Variants in USO1 observed in about 807,000 individuals in gnomAD.
The protein encoded by USO1 is USO1 vesicle transport factor.
In USO1, 57 loss-of-function variants were observed where a neutral mutation model predicts 124.5. That is an observed-to-expected ratio of 0.46 (90% CI 0.37 to 0.57). The LOEUF is 0.57. Ranked by LOEUF, USO1 falls within the 20% of genes least tolerant of loss-of-function variation. USO1 has a pLI of 0.00. For missense variants in USO1, 900 were observed against 1,040.6 expected, an observed-to-expected ratio of 0.86 and a Z score of 1.86; for synonymous variants, 369 against 362.8, an observed-to-expected ratio of 1.02 and a Z score of -0.19.
At position 75,755,416 on chromosome 4, in the gene USO1, T is replaced by C. The variant is rs79028968; in HGVS notation, c.219-2081T>C. 1.9e-3 allele frequency: 992 copies of C among 518,368 alleles called. 1 individual carries two copies. Among genetic ancestry groups the C allele is most frequent in the Middle Eastern group, 3.8e-3 (12 of 3,132 alleles). 32.1% of individuals were successfully genotyped at this position (518,368 alleles called of 1,614,324 possible). On this transcript the variant is annotated intron_variant, in intron 3 of 23. Coordinates refer to ENST00000514213, the MANE Select transcript of USO1 (RefSeq NM_003715.4). Reference sequence around the variant, plus strand: ...ATCCTTCTGAAATGCGTATCTTCAGTCATTCTCTCATTTAATGCATTTCAC... The same window carrying C: ...ATCCTTCTGAAATGCGTATCTTCAGCCATTCTCTCATTTAATGCATTTCAC...
At chr4:75,801,753 G>C (rs1051539317) in intron 17 of USO1, among the ~76,000 whole-genome samples, 10 of 152,124 alleles carry the variant, frequency 6.6e-5, no homozygotes, top group Non-Finnish European at 1.3e-4. Flanking sequence ...TAAAAGCATA[G>C]ATAGAACCCT....
At position 75,770,864 on chromosome 4, in the gene USO1, A is replaced by T. The variant is rs376813627; in HGVS notation, c.439A>T (p.Thr147Ser). 5.8e-5 allele frequency: 93 copies of T among 1,613,808 alleles called. No individual in the cohort carries two copies. The highest frequency in any genetic ancestry group is 5.3e-4 in the Admixed American group (32 of 59,994). ...CCGCTGGCCTGGTGTGAAGCTTCTT[A>T]CTTCTCTTTTAAAACAACTAGGGCC... is the stretch of plus-strand genomic sequence containing the variant. ...HVRWPGVKLL[T>S]SLLKQLGPQV... The change falls in exon 6 of 24, where the codon ACT (threonine) becomes TCT (serine). Residue 147 changes from threonine (T) to serine (S), a missense_variant. Physicochemically the swap from Thr to Ser is moderately conservative, Grantham distance 58 (BLOSUM62 1). Around this residue, in one of 2 missense-constraint regions of USO1, gnomAD observed 538 missense variants for 681.6 expected, o/e 0.79. Coordinates refer to ENST00000514213, the MANE Select transcript of USO1 (RefSeq NM_003715.4).
intron 1 of USO1, among the ~76,000 whole-genome samples, chr4:75,726,442 A>T (rs1349175550): frequency 6.6e-6 from 1 of 152,096 alleles, no homozygotes; most frequent in African/African-American, 2.4e-5. Flanking sequence ...AGTATTACTA[A>T]AATTAACTGC....
At chr4:75,741,270 C>T (rs1649247212) in intron 1 of USO1, among the ~76,000 whole-genome samples, 1 of 152,048 alleles carries the variant, frequency 6.6e-6, no homozygotes, top group Non-Finnish European at 1.5e-5. Context: ...CTATATAGGT[C>T]GCTTAATCAT....
At chr4:75,728,215 CTTGT>C (rs1441727046) in intron 1 of USO1, among the ~76,000 whole-genome samples, 1 of 150,366 alleles carries the variant, frequency 6.7e-6, no homozygotes, top group Non-Finnish European at 1.5e-5. Flanking sequence ...TGACTGCTTT[CTTGT>C]TTTTTTTTTT....
rs116386875 is a variant in USO1, at chr4:75,724,651, G to C, written c.-169G>C. ...CATGCGCATCTTGGCCGCTGCTGGC[G>C]GCTGTTTCCGGGCTTAGAGGGCTGG... On this transcript the variant is annotated 5_prime_UTR_variant, in exon 1 of 24. Coordinates refer to ENST00000514213, the MANE Select transcript of USO1 (RefSeq NM_003715.4). 265 of 622,390 alleles carry C rather than the reference G, an allele frequency of 4.3e-4. 1 individual carries two copies. In the African/African-American group the frequency reaches 4.7e-3, roughly 11 times the overall value. The allele number at this position is 622,390 out of a possible 1,614,324, so 38.6% of individuals were successfully genotyped here.
At chr4:75,810,660 A>G in intron 22 of USO1, 121 bp downstream of exon 22, 1 of 1,234,294 alleles carries the variant, frequency 8.1e-7, no homozygotes. Context: ...ATTTTATCTC[A>G]CAACATTTTC....
chr4:75,729,228 G>C (rs569434658), intron 1 of USO1, among the ~76,000 whole-genome samples: 1 of 151,926 alleles, frequency 6.6e-6, no homozygotes, highest in South Asian at 2.1e-4. Context: ...TCATGCTTTT[G>C]TTTTTTAGTT....
At chr4:75,745,550 G>T (rs1291724717) in intron 1 of USO1, among the ~76,000 whole-genome samples, 1 of 152,182 alleles carries the variant, frequency 6.6e-6, no homozygotes, top group Non-Finnish European at 1.5e-5. Context: ...AACTGGTAGT[G>T]TATTTTGGGG....
intron 17 of USO1, among the ~76,000 whole-genome samples, chr4:75,803,238 G>T (rs115956985): frequency 6.6e-6 from 1 of 151,930 alleles, no homozygotes; most frequent in Non-Finnish European, 1.5e-5. Context: ...GTAGCAATAT[G>T]GGGAAATTAT....
intron 13 of USO1, among the ~76,000 whole-genome samples, chr4:75,799,120 C>A (rs1371111050): frequency 6.6e-6 from 1 of 151,608 alleles, no homozygotes; most frequent in African/African-American, 2.4e-5. Context: ...AGAATATATT[C>A]TCTCATGGAA....
In USO1 at chr4:75,805,155, A is replaced by G. The variant is rs1325305847; in HGVS notation, c.2141A>G (p.His714Arg). ...TGTCTAACAGGAAAAGACAATCAGC[A>G]TCAAGGTTCTTACAGTGAGGGGGCT... ...LKIQLGKDNQHQGSYSEGAQM... is the reference protein window; with the variant it reads ...LKIQLGKDNQRQGSYSEGAQM... The change falls in exon 19 of 24, where the codon CAT becomes CGT. Residue 714 changes from histidine to arginine, a missense_variant. Transcript: ENST00000514213. 1.3e-6 allele frequency: 2 copies of G among 1,592,282 alleles called. No homozygotes were observed. The highest frequency in any genetic ancestry group is 1.7e-6 in the Non-Finnish European group (2 of 1,172,248).
At chr4:75,770,617 C>G (rs1323686536) in intron 5 of USO1, 78 bp downstream of exon 5, 4 of 1,496,600 alleles carry the variant, frequency 2.7e-6, no homozygotes, top group Non-Finnish European at 3.6e-6. Context: ...GAGGAAGTAA[C>G]ATGTATATAC....
chr4:75,800,559 T>G lies in USO1; in HGVS notation c.1683-59T>G. Reference sequence around the variant, plus strand: ...GCCAAAGCATTATGTAGACCAAGCTTTTATGTTTTGTTTTGATTTTATTTT... The same window carrying G: ...GCCAAAGCATTATGTAGACCAAGCTGTTATGTTTTGTTTTGATTTTATTTT... On this transcript the variant is annotated intron_variant, in intron 15 of 23. Coordinates refer to ENST00000514213, the MANE Select transcript of USO1 (RefSeq NM_003715.4). 4.6e-6 allele frequency: 7 copies of G among 1,520,576 alleles called. No homozygotes were observed. The East Asian group carries it at 1.2e-4, about 25-fold the overall frequency. 94.2% of individuals were successfully genotyped at this position (1,520,576 alleles called of 1,614,324 possible).
rs757784544 is a variant in USO1 at position 75,813,286 on chromosome 4, T to A, written c.2880T>A (p.Asp960Glu). 2.5e-6 allele frequency: 4 copies of A among 1,599,050 alleles called. No individual in the cohort carries two copies. The highest frequency in any genetic ancestry group is 3.4e-6 in the Non-Finnish European group (4 of 1,175,478). Residue 960 changes from aspartate (D) to glutamate (E), a missense_variant, in exon 24 of 24, where the codon GAT becomes GAA. Coordinates refer to ENST00000514213, the MANE Select transcript of USO1 (RefSeq NM_003715.4). ...GTGAAGATCCTGGCAAGGATCTAGA[T>A]CATATCTAGTTTTCAAATCTCTAGG... ...DESEDPGKDLDHI is the reference protein window; with the variant it reads ...DESEDPGKDLEHI
chr4:75,732,435 A>G (rs2149137590), intron 1 of USO1, among the ~76,000 whole-genome samples: 1 of 152,294 alleles, frequency 6.6e-6, no homozygotes, highest in African/African-American at 2.4e-5. Flanking sequence ...TTGACTCCAC[A>G]TCTTTGCAGT....
intron 1 of USO1, among the ~76,000 whole-genome samples, chr4:75,747,404 G>T (rs1721155765): frequency 6.6e-6 from 1 of 152,068 alleles, no homozygotes; most frequent in African/African-American, 2.4e-5. Flanking sequence ...AGCCTCTGGA[G>T]TAGCTAGGAC....
rs574242431 is a variant in USO1 at position 75,760,566 on chromosome 4, A to G, written c.295+2993A>G. The G allele has an allele frequency of 1.2e-3, 485 of 396,720 alleles. 1 individual carries two copies. Among genetic ancestry groups the G allele is most frequent in the African/African-American group, 9.3e-3 (451 of 48,684 alleles). The allele number at this position is 396,720 out of a possible 1,614,324, so 24.6% of individuals were successfully genotyped here. On this transcript the variant is annotated intron_variant, in intron 4 of 23. Coordinates refer to ENST00000514213, the MANE Select transcript of USO1 (RefSeq NM_003715.4). ...CTATTGTCTTTATCATCCACTTTTT[A>G]TTTATTTATTTTTATCTACCTTTTC...
At chr4:75,766,482 T>G (rs1478679343) in intron 4 of USO1, among the ~76,000 whole-genome samples, 1 of 152,068 alleles carries the variant, frequency 6.6e-6, no homozygotes, top group Non-Finnish European at 1.5e-5. Context: ...AGTAAGAGAG[T>G]GCTACTGCGT....
Sources: allele counts gnomAD v4.1 joint callset (sites outside exome capture counted in the v4.1 genomes callset), GRCh38; gene constraint gnomAD v4.1.1; regional missense constraint gnomAD v4.1.1; transcripts MANE v1.5; gene names NCBI Gene and HGNC (gene_info 2026-07-23, HGNC 2026-07-21).